The following MCUB variants were observed in gnomAD, a reference collection of about 807,000 sequenced individuals.
MCUB encodes the protein calcium uniporter regulatory subunit MCUb, mitochondrial.
A neutral mutation model predicts 41.4 loss-of-function variants in MCUB; 46 were observed. The ratio of observed to expected loss-of-function variants is 1.11; its 90% CI spans 0.88 to 1.42. The LOEUF is 1.42. MCUB is among the 40% of genes most tolerant of loss of function. The pLI is 0.00. For synonymous variants in MCUB, 148 were observed against 148.2 expected (o/e 1.00, Z 0.01); for missense variants, 403 against 404.9 (o/e 1.00, Z 0.04).
At chr4:109,577,601 T>TAAGACCTATGAGA (rs1561214372) in intron 1 of MCUB, among the ~76,000 whole-genome samples, 3 of 46,714 alleles carry the variant, frequency 6.4e-5, no homozygotes, top group Admixed American at 1.9e-4. Context: ...TTGAATTCTT[T>TAAGACCTATGAGA]TTTTTTTTTT....
At chr4:109,648,983 TTTTA>T (rs144942868) in intron 1 of MCUB, among the ~76,000 whole-genome samples, 106,299 of 151,416 alleles carry the variant, frequency 0.7, 37,971 homozygotes, top group African/African-American at 0.83. Flanking sequence ...ATGATGGAGT[TTTTA>T]TTTATTTTAT....
Position 109,684,839 on chromosome 4 carries a change from T to G in MCUB, c.816+193T>G, listed in dbSNP as rs1420989987. On this transcript the variant is annotated intron_variant, in intron 6 of 7. Coordinates refer to ENST00000394650, the MANE Select transcript of MCUB (RefSeq NM_017918.5). ...ACAGAGAAATTATATATAACTTCTTTGGAGAAGTAATTAGTGTAACACACA... is the reference window on the plus strand; with the variant it reads ...ACAGAGAAATTATATATAACTTCTTGGGAGAAGTAATTAGTGTAACACACA... 4 of 504,134 alleles carry G rather than the reference T, an allele frequency of 7.9e-6. No individual in the cohort carries two copies. In the Admixed American group the frequency reaches 1.5e-4, roughly 19 times the overall value. The allele number at this position is 504,134 out of a possible 1,614,324, so 31.2% of individuals were successfully genotyped here. A position where few individuals can be genotyped will look rare whatever the true frequency, so the allele number is the denominator to read the frequency against.
intron 4 of MCUB, among the ~76,000 whole-genome samples, chr4:109,679,444 G>C (rs1283737958): frequency 6.6e-6 from 1 of 152,188 alleles, no homozygotes; most frequent in Non-Finnish European, 1.5e-5. Context: ...CCAGGAGCTG[G>C]AGACCAGCCC....
chr4:109,647,227 A>T (rs1361500880), intron 1 of MCUB, among the ~76,000 whole-genome samples: 1 of 152,038 alleles, frequency 6.6e-6, no homozygotes, highest in Non-Finnish European at 1.5e-5. Context: ...ATTAGGGTTC[A>T]CTCTTGGTGT....
intron 1 of MCUB, among the ~76,000 whole-genome samples, chr4:109,580,640 G>A (rs1727149591): frequency 6.6e-6 from 1 of 152,168 alleles, no homozygotes; most frequent in Non-Finnish European, 1.5e-5. Context: ...GTGATGATGA[G>A]CATTTTTTCA....
intron 1 of MCUB, among the ~76,000 whole-genome samples, chr4:109,627,243 A>G (rs1280150142): frequency 2.6e-5 from 4 of 152,206 alleles, no homozygotes; most frequent in Non-Finnish European, 5.9e-5. Context: ...GAAGATGACC[A>G]GTGTTTGCTG....
chr4:109,599,305 C>T (rs1185624281), intron 1 of MCUB, among the ~76,000 whole-genome samples: 8 of 152,236 alleles, frequency 5.3e-5, no homozygotes, highest in Middle Eastern at 3.4e-3. Context: ...TTTGATCCTC[C>T]TCTTCAGCCT....
chr4:109,580,861 G>A (rs1727155728), intron 1 of MCUB, among the ~76,000 whole-genome samples: 1 of 152,100 alleles, frequency 6.6e-6, no homozygotes, highest in African/African-American at 2.4e-5. Context: ...CTTTTGCTGT[G>A]CAGAAGCTCT....
intron 1 of MCUB, among the ~76,000 whole-genome samples, chr4:109,626,596 T>A (rs985434697): frequency 1.3e-5 from 2 of 152,042 alleles, no homozygotes; most frequent in Non-Finnish European, 2.9e-5. Flanking sequence ...GCGGATCACC[T>A]GAGGTCAGAA....
intron 1 of MCUB, among the ~76,000 whole-genome samples, chr4:109,630,677 G>A (rs1024527897): frequency 6.6e-6 from 1 of 152,074 alleles, no homozygotes; most frequent in Non-Finnish European, 1.5e-5. Flanking sequence ...TGCCTCCTGG[G>A]TTCAAGCAAT....
chr4:109,575,613 A>T (rs565696619), intron 1 of MCUB, among the ~76,000 whole-genome samples: 1 of 152,352 alleles, frequency 6.6e-6, no homozygotes, highest in Non-Finnish European at 1.5e-5. Context: ...TAAGCATCGT[A>T]ATCAACAGTT....
At chr4:109,670,557 A>C (rs545108768) in intron 4 of MCUB, among the ~76,000 whole-genome samples, 1 of 152,118 alleles carries the variant, frequency 6.6e-6, no homozygotes, top group East Asian at 1.9e-4. Context: ...CTCTACTAAA[A>C]ATACAAAAAT....
intron 1 of MCUB, among the ~76,000 whole-genome samples, chr4:109,643,247 G>A (rs1031322576): frequency 1.3e-5 from 2 of 148,662 alleles, no homozygotes; most frequent in East Asian, 2.0e-4. Flanking sequence ...GTACAATGGC[G>A]CAATCTTGGC....
At chr4:109,661,185 C>T (rs1429542578) in intron 3 of MCUB, among the ~76,000 whole-genome samples, 2 of 152,132 alleles carry the variant, frequency 1.3e-5, no homozygotes, top group Admixed American at 6.5e-5. Context: ...ATTTAGAATA[C>T]AGCTTTCATG....
intron 1 of MCUB, among the ~76,000 whole-genome samples, chr4:109,647,664 T>G (rs1320855682): frequency 1.3e-5 from 2 of 152,200 alleles, no homozygotes; most frequent in African/African-American, 4.8e-5. Context: ...GCAGTTTATT[T>G]ACCATATTTT....
At chr4:109,644,944 C>G (rs892480648) in intron 1 of MCUB, among the ~76,000 whole-genome samples, 1 of 151,952 alleles carries the variant, frequency 6.6e-6, no homozygotes, top group African/African-American at 2.4e-5. Flanking sequence ...GTAGTCTGAA[C>G]CTAAACAAGC....
At chr4:109,570,414 A>G (rs1279436781) in intron 1 of MCUB, among the ~76,000 whole-genome samples, 2 of 152,228 alleles carry the variant, frequency 1.3e-5, no homozygotes, top group African/African-American at 4.8e-5. Flanking sequence ...TTTATGAGAA[A>G]TTATGTTGGT....
intron 4 of MCUB, among the ~76,000 whole-genome samples, chr4:109,668,630 C>T (rs1275325341): frequency 1.3e-5 from 2 of 151,568 alleles, no homozygotes; most frequent in African/African-American, 4.8e-5. Context: ...AGGCCATTGA[C>T]ATTCAAATTG....
chr4:109,687,662 C>A lies in MCUB; in HGVS notation c.*70C>A. On this transcript the variant is annotated 3_prime_UTR_variant, in exon 8 of 8. Coordinates refer to ENST00000394650, the MANE Select transcript of MCUB (RefSeq NM_017918.5). Reference sequence around the variant, plus strand: ...TTTGCAACTTAGGATGTTTTTGAGTCCCATGGTTCATTTTGATTGTTTAAT... The same window carrying A: ...TTTGCAACTTAGGATGTTTTTGAGTACCATGGTTCATTTTGATTGTTTAAT... 1 of 891,486 alleles carries A rather than the reference C, an allele frequency of 1.1e-6. No individual in the cohort carries two copies. The highest frequency in any genetic ancestry group is 1.8e-6 in the Non-Finnish European group (1 of 543,002). The allele number at this position is 891,486 out of a possible 1,614,324, so 55.2% of individuals were successfully genotyped here. A position where few individuals can be genotyped will look rare whatever the true frequency, so the allele number is the denominator to read the frequency against.
Sources: gnomAD v4.1 joint callset for allele counts (sites outside exome capture counted in the v4.1 genomes callset) on GRCh38, gnomAD v4.1.1 for gene constraint, MANE v1.5 for transcripts, NCBI Gene and HGNC (gene_info 2026-07-23, HGNC 2026-07-21) for gene names.